The following AFF2 variants were observed in gnomAD, a reference collection of about 807,000 sequenced individuals.
AFF2 encodes AF4/FMR2 family member 2.
Under a neutral mutation model 76.9 loss-of-function variants are expected in AFF2, and 14 were observed. That is an observed-to-expected ratio of 0.18 (90% confidence interval 0.12 to 0.28). AFF2 has a LOEUF of 0.28. Ranked by LOEUF, AFF2 falls within the 10% of genes least tolerant of loss-of-function variation. The pLI is 1.00. For synonymous variants in AFF2, 398 were observed against 366.7 expected, an observed-to-expected ratio of 1.09 and a Z score of -0.98; for missense variants, 868 against 1,001.1, an observed-to-expected ratio of 0.87 and a Z score of 1.79.
intron 4 of AFF2, among the ~76,000 whole-genome samples, chrX:148,830,910 T>C (rs2070445914): frequency 1.8e-5 from 2 of 111,053 alleles, no homozygotes; most frequent in Non-Finnish European, 3.8e-5. Context: ...GACCCGGGCT[T>C]ATTTCATTCC....
chrX:148,624,142 A>C (rs1457765747), intron 1 of AFF2, among the ~76,000 whole-genome samples: 1 of 111,895 alleles, frequency 8.9e-6, no homozygotes, highest in African/African-American at 3.3e-5. Flanking sequence ...GAAGTGTCGA[A>C]TAATGCATCT....
At chrX:148,886,154 T>G (rs1448391717) in intron 8 of AFF2, among the ~76,000 whole-genome samples, 169 bp downstream of exon 8, 3 of 111,597 alleles carry the variant, frequency 2.7e-5, no homozygotes, top group African/African-American at 9.8e-5. Flanking sequence ...GTCAAATCAG[T>G]TCAAACTTTC....
chrX:148,723,522 T>C (rs1569554298), intron 3 of AFF2, among the ~76,000 whole-genome samples: 1 of 111,586 alleles, frequency 9.0e-6, no homozygotes, highest in Non-Finnish European at 1.9e-5. Context: ...AAAAAATAAC[T>C]TCAGTAGACA....
At chrX:148,552,183 A>G (rs949918076) in intron 1 of AFF2, among the ~76,000 whole-genome samples, 5 of 112,132 alleles carry the variant, frequency 4.5e-5, no homozygotes, top group Admixed American at 3.8e-4. Flanking sequence ...CATAACCATG[A>G]GTATAGCAGT....
At position 148,978,227 on chromosome X, in the gene AFF2, ATTTC is replaced by A. The variant is rs2072350202; in HGVS notation, c.3477-131_3477-128del. On this transcript the variant is annotated intron_variant, in intron 17 of 20. Transcript: ENST00000370460. ...AATGCTTGCCCCTTCCCTCTTTAGAATTTCTTTATTTACTTATGTTTCTCAATCT... is the reference window on the plus strand; with the variant it reads ...AATGCTTGCCCCTTCCCTCTTTAGAATTTATTTACTTATGTTTCTCAATCT... 5 of 528,379 alleles carry A rather than the reference ATTTC, an allele frequency of 9.5e-6. No homozygotes were observed. In the Admixed American group the frequency reaches 1.3e-4, roughly 14 times the overall value. 43.5% of individuals were successfully genotyped at this position (528,379 alleles called of 1,213,427 possible). A position where few individuals can be genotyped will look rare whatever the true frequency, so the allele number is the denominator to read the frequency against.
chrX:148,983,965 A>AAAAAAAAAAAAAAAAAAC (rs1438744109), intron 19 of AFF2, among the ~76,000 whole-genome samples: 3 of 99,794 alleles, frequency 3.0e-5, no homozygotes, highest in African/African-American at 1.2e-4. Context: ...AAAAAAAAAA[A>AAAAAAAAAAAAAAAAAAC]AAACTGCCCT....
chrX:148,804,448 A>T (rs1428793147), intron 3 of AFF2, among the ~76,000 whole-genome samples: 1 of 112,634 alleles, frequency 8.9e-6, no homozygotes, highest in Non-Finnish European at 1.9e-5. Context: ...TTCATGTATG[A>T]TTCCAAACAA....
chrX:148,748,405 G>C (rs952385833), intron 3 of AFF2, among the ~76,000 whole-genome samples: 1 of 112,049 alleles, frequency 8.9e-6, no homozygotes, highest in Non-Finnish European at 1.9e-5. Flanking sequence ...TACAGACAGC[G>C]TGCAGCCATG....
In AFF2 at chrX:148,956,353, T is replaced by C. The variant is rs782071467; in HGVS notation, c.2308T>C (p.Ser770Pro). ...TAGCAGTGGCAGCAACAACAACTTATCCATCAGTAATGAAGAGCCAACATT... is the reference window on the plus strand; with the variant it reads ...TAGCAGTGGCAGCAACAACAACTTACCCATCAGTAATGAAGAGCCAACATT... The part of the protein sequence containing the change: ...MSSSGSNNNL[S>P]ISNEEPTFSP... The change falls in exon 11 of 21, where the codon TCC (serine) becomes CCC (proline). Residue 770 changes from serine (S) to proline (P), a missense_variant. Coordinates refer to ENST00000370460, the MANE Select transcript of AFF2 (RefSeq NM_002025.4). The C allele has an allele frequency of 7.4e-6, 9 of 1,209,844 alleles. No homozygotes were observed. Among genetic ancestry groups the C allele is most frequent in the Middle Eastern group, 2.3e-4 (1 of 4,375 alleles).
At chrX:148,730,319 A>G (rs2055205469) in intron 3 of AFF2, among the ~76,000 whole-genome samples, 1 of 112,415 alleles carries the variant, frequency 8.9e-6, no homozygotes, top group African/African-American at 3.2e-5. Context: ...GATTTCCTAG[A>G]TGATGAGTTT....
intron 4 of AFF2, among the ~76,000 whole-genome samples, chrX:148,812,412 G>T (rs782621614): frequency 3.6e-5 from 4 of 111,600 alleles, no homozygotes; most frequent in Non-Finnish European, 7.5e-5. Context: ...GCCCCGGAGT[G>T]GAGGAGCTGG....
chrX:148,534,357 A>G (rs1191077479), intron 1 of AFF2, among the ~76,000 whole-genome samples: 1 of 112,809 alleles, frequency 8.9e-6, no homozygotes, highest in Non-Finnish European at 1.9e-5. Context: ...ATCAAATGAT[A>G]CACATAGGTG....
At chrX:148,525,813 GTA>G (rs2052651705) in intron 1 of AFF2, among the ~76,000 whole-genome samples, 1 of 111,932 alleles carries the variant, frequency 8.9e-6, no homozygotes, top group African/African-American at 3.2e-5. Context: ...TTGATTTCAT[GTA>G]TATATAATGT....
At chrX:148,927,850 G>A (rs897138886) in intron 9 of AFF2, among the ~76,000 whole-genome samples, 6 of 111,686 alleles carry the variant, frequency 5.4e-5, no homozygotes, top group Non-Finnish European at 9.4e-5. Context: ...AAACAACATT[G>A]GGGAAGGAAT....
At chrX:148,834,215 A>T (rs1306287926) in intron 4 of AFF2, among the ~76,000 whole-genome samples, 1 of 112,469 alleles carries the variant, frequency 8.9e-6, no homozygotes, top group Non-Finnish European at 1.9e-5. Context: ...CTAAAAGATA[A>T]AACAGTATTC....
At chrX:148,730,410 C>G (rs1179537865) in intron 3 of AFF2, among the ~76,000 whole-genome samples, 2 of 111,488 alleles carry the variant, frequency 1.8e-5, no homozygotes, top group Non-Finnish European at 3.8e-5. Context: ...ACCTAAGGAC[C>G]CAGTGACAGA....
chrX:148,651,992 A>G lies in AFF2; in HGVS notation c.48-7A>G, dbSNP rs2054207035. On this transcript the variant is annotated splice_region_variant and splice_polypyrimidine_tract_variant and intron_variant, in intron 1 of 20. Transcript: ENST00000370460. ...TTTCTCTTTTTGTCTTTTCCTTTTC[A>G]TATCAGTCACTATGAACAAGACCGT... The G allele has an allele frequency of 1.7e-6, 2 of 1,163,499 alleles. No homozygotes were observed. Among genetic ancestry groups the G allele is most frequent in the Non-Finnish European group, 2.3e-6 (2 of 871,287 alleles).
intron 4 of AFF2, among the ~76,000 whole-genome samples, chrX:148,831,268 A>G (rs1557273296): frequency 8.9e-6 from 1 of 112,119 alleles, no homozygotes; most frequent in Non-Finnish European, 1.9e-5. Flanking sequence ...TCCTCAGCTT[A>G]CGAAGATGAC....
rs139469653 is a variant in AFF2 at position 148,581,797 on chromosome X, A to G, written c.48-70202A>G. Among the ~76,000 whole-genome samples, 639 of 112,530 alleles carry G rather than the reference A, an allele frequency of 5.7e-3. 5 individuals are homozygous for G. Among genetic ancestry groups the G allele is most frequent in the African/African-American group, 0.019 (580 of 31,078 alleles). ...TTACTAAAAATAAAGATTCTTTTACATAAGCACAGCATATTGATCAAAATC... is the reference window on the plus strand; with the variant it reads ...TTACTAAAAATAAAGATTCTTTTACGTAAGCACAGCATATTGATCAAAATC... On this transcript the variant is annotated intron_variant, in intron 1 of 20. Transcript: ENST00000370460.
Sources: allele counts gnomAD v4.1 joint callset (sites outside exome capture counted in the v4.1 genomes callset), GRCh38; gene constraint gnomAD v4.1.1; transcripts MANE v1.5; gene names NCBI Gene and HGNC (gene_info 2026-07-23, HGNC 2026-07-21).